The following PRKN variants were observed in gnomAD, a reference collection of about 807,000 sequenced individuals.
PRKN encodes the protein parkin RBR E3 ubiquitin protein ligase, also known as E3 ubiquitin-protein ligase parkin.
In PRKN, 56 loss-of-function variants were observed where a neutral mutation model predicts 59.5. That is an observed-to-expected ratio of 0.94 (90% CI 0.76 to 1.18). The LOEUF is 1.18. PRKN is among the 50% of genes most tolerant of loss of function. The pLI is 0.00. For synonymous variants in PRKN, 250 were observed against 222.1 expected (o/e 1.13, Z -1.12); for missense variants, 657 against 596.4 (o/e 1.10, Z -1.06).
rs568962347 is a variant in PRKN, at chr6:161,500,021, C to T, written c.1083+48833G>A. ...TGCAGTGTCTTTGCCAAAAGTCCTT[C>T]GGCCATGTTTCCTTACAAAATCTCA... is the stretch of plus-strand genomic sequence containing the variant. On this transcript the variant is annotated intron_variant, in intron 9 of 11. Transcript: ENST00000366898. Among the ~76,000 whole-genome samples, 352 of 152,168 alleles carry T rather than the reference C, an allele frequency of 2.3e-3. 1 individual carries two copies. Among genetic ancestry groups the T allele is most frequent in the African/African-American group, 8.2e-3 (340 of 41,442 alleles).
chr6:161,944,032 TCAGCCTGAGGGAC>T (rs1562407573), intron 6 of PRKN, among the ~76,000 whole-genome samples: 6 of 113,424 alleles, frequency 5.3e-5, no homozygotes, highest in African/African-American at 1.7e-4. Flanking sequence ...GCCTGAGGAA[TCAGCCTGAGGGAC>T]CAGCCTGAGG....
In PRKN at chr6:161,716,175, C is replaced by A. The variant is rs144108240; in HGVS notation, c.871+69597G>T. 1.7e-4 allele frequency: 168 copies of A among 994,894 alleles called. No homozygotes were observed. The East Asian group carries it at 8.1e-3, about 48-fold the overall frequency. 61.6% of individuals were successfully genotyped at this position (994,894 alleles called of 1,614,324 possible). A position where few individuals can be genotyped will look rare whatever the true frequency, so the allele number is the denominator to read the frequency against. The stretch of plus-strand genomic sequence containing the variant: ...GAGGAGACTGGGTTAATTTGATGCT[C>A]ACAGCAACCTTGTATCTGATGCTCT... On this transcript the variant is annotated intron_variant, in intron 7 of 11. Coordinates refer to ENST00000366898, the MANE Select transcript of PRKN (RefSeq NM_004562.3).
intron 2 of PRKN, among the ~76,000 whole-genome samples, chr6:162,307,400 T>TAA (rs545669121): frequency 1.8e-3 from 138 of 75,500 alleles, no homozygotes; most frequent in Middle Eastern, 7.6e-3. Context: ...ACCGTCTCAA[T>TAA]AAAAAAAAAA....
At chr6:161,874,986 T>TAAGTATATAATATAATA (rs1403298644) in intron 6 of PRKN, among the ~76,000 whole-genome samples, 3 of 70,192 alleles carry the variant, frequency 4.3e-5, no homozygotes, top group Non-Finnish European at 7.1e-5. Context: ...TTATATTATA[T>TAAGTATATAATATAATA]ACTTTATATA....
chr6:162,058,077 G>A (rs769934546), intron 4 of PRKN, among the ~76,000 whole-genome samples: 8 of 152,072 alleles, frequency 5.3e-5, no homozygotes, highest in Admixed American at 2.6e-4. Context: ...CTACCTTTAC[G>A]GACACTACAA....
intron 4 of PRKN, among the ~76,000 whole-genome samples, chr6:162,148,585 G>A (rs1782127333): frequency 8.7e-6 from 1 of 115,400 alleles, no homozygotes; most frequent in South Asian, 3.3e-4. Flanking sequence ...GGTGATATAA[G>A]CCAGATTGAA....
At chr6:162,118,235 C>T (rs1413918688) in intron 4 of PRKN, among the ~76,000 whole-genome samples, 2 of 151,662 alleles carry the variant, frequency 1.3e-5, no homozygotes, top group Non-Finnish European at 2.9e-5. Flanking sequence ...CATGGTGAAA[C>T]CCTGTCTCCA....
intron 8 of PRKN, among the ~76,000 whole-genome samples, chr6:161,556,283 G>A (rs1311033599): frequency 6.6e-5 from 10 of 151,912 alleles, no homozygotes; most frequent in Non-Finnish European, 4.4e-5. Context: ...TATGCGCCTG[G>A]GAATTTCTGA....
intron 1 of PRKN, among the ~76,000 whole-genome samples, chr6:162,703,701 C>T (rs541020286): frequency 6.6e-6 from 1 of 152,142 alleles, no homozygotes; most frequent in East Asian, 1.9e-4. Flanking sequence ...GTTCCTGTCC[C>T]ACAGTCACAG....
chr6:162,287,582 C>A (rs560409866), intron 2 of PRKN, among the ~76,000 whole-genome samples: 1,589 of 152,152 alleles, frequency 0.01, 30 homozygotes, highest in African/African-American at 0.036. Flanking sequence ...AAAAAAATCA[C>A]TGGACATAAT....
intron 7 of PRKN, among the ~76,000 whole-genome samples, chr6:161,774,585 A>T (rs1789841636): frequency 6.6e-6 from 1 of 152,096 alleles, no homozygotes; most frequent in African/African-American, 2.4e-5. Flanking sequence ...CATGAAGAGG[A>T]TCGAGCTGAG....
chr6:162,719,899 A>AC (rs1386087386), intron 1 of PRKN, among the ~76,000 whole-genome samples: 444 of 7,156 alleles, frequency 0.062, 5 homozygotes, highest in African/African-American at 0.21. Context: ...GATGTCAAAA[A>AC]AAAAAAAAAA....
chr6:161,877,461 A>AT (rs35664661), intron 6 of PRKN, among the ~76,000 whole-genome samples: 29,442 of 141,238 alleles, frequency 0.21, 3,463 homozygotes, highest in African/African-American at 0.3. Flanking sequence ...ACATATTTGC[A>AT]TTTTTTTTTT....
chr6:161,349,188 G>T lies in PRKN; in HGVS notation c.*911C>A. On this transcript the variant is annotated 3_prime_UTR_variant, in exon 12 of 12. Coordinates refer to ENST00000366898, the MANE Select transcript of PRKN (RefSeq NM_004562.3). This position sits in a 1 kb window ranked among gnomAD's most constrained non-coding sequence, Gnocchi z 5.5. ...TATCATTTTGAAATCATTTCTAAAC[G>T]TGTTTCCTTTATAGGCACTTTATCT... is the stretch of plus-strand genomic sequence containing the variant. 1 of 220,390 alleles carries T rather than the reference G, an allele frequency of 4.5e-6. No individual in the cohort carries two copies. Among genetic ancestry groups the T allele is most frequent in the Non-Finnish European group, 9.1e-6 (1 of 110,166 alleles). 13.7% of individuals were successfully genotyped at this position (220,390 alleles called of 1,614,324 possible).
At chr6:162,094,756 G>T (rs1292486004) in intron 4 of PRKN, among the ~76,000 whole-genome samples, 1 of 152,080 alleles carries the variant, frequency 6.6e-6, no homozygotes, top group East Asian at 1.9e-4. Context: ...TTCAACTCCT[G>T]TCCCACGACT....
intron 2 of PRKN, among the ~76,000 whole-genome samples, chr6:162,301,929 C>A (rs1364973320): frequency 1.3e-5 from 2 of 152,100 alleles, no homozygotes; most frequent in Non-Finnish European, 2.9e-5. Context: ...TTTCCAACTA[C>A]CTACGCAATA....
At chr6:162,023,995 A>G (rs997067811) in intron 5 of PRKN, among the ~76,000 whole-genome samples, 1 of 152,082 alleles carries the variant, frequency 6.6e-6, no homozygotes, top group African/African-American at 2.4e-5. Flanking sequence ...TTGGTTCCAT[A>G]TCAATTTTAG....
chr6:162,593,151 G>A (rs1211873186), intron 1 of PRKN, among the ~76,000 whole-genome samples: 2 of 152,194 alleles, frequency 1.3e-5, no homozygotes, highest in Non-Finnish European at 2.9e-5. Context: ...TAATTAGGAA[G>A]TATAAGAGCA....
intron 2 of PRKN, among the ~76,000 whole-genome samples, chr6:162,402,387 G>A (rs1053421698): frequency 2.3e-4 from 35 of 152,100 alleles, no homozygotes; most frequent in South Asian, 4.2e-4. Context: ...GGAATCTATC[G>A]GAACACAAGG....
Sources: gnomAD v4.1 joint callset for allele counts (sites outside exome capture counted in the v4.1 genomes callset) on GRCh38, gnomAD v4.1.1 for gene constraint, Gnocchi (gnomAD v3.1) non-coding constraint, MANE v1.5 for transcripts, NCBI Gene and HGNC (gene_info 2026-07-23, HGNC 2026-07-21) for gene names.